RIF1: variants seen among roughly 807,000 people sequenced by gnomAD.
RIF1 encodes telomere-associated protein RIF1.
RIF1 carries 45 observed loss-of-function variants against 247.1 expected under a neutral mutation model. The ratio of observed to expected loss-of-function variants is 0.18; its 90% confidence interval spans 0.14 to 0.23. The LOEUF is 0.23. RIF1 is among the 10% of genes least tolerant of loss of function. The probability of loss-of-function intolerance (pLI) is 1.00; values close to 1 mark genes in which losing one functional copy is unlikely to be tolerated. For synonymous variants in RIF1, 1,087 were observed against 978.8 expected (o/e 1.11, Z -2.06); for missense variants, 2,967 against 2,862.5 (o/e 1.04, Z -0.83).
the RIF1 span, among the ~76,000 whole-genome samples, chr2:151,523,861 C>T: frequency 6.6e-6 from 1 of 151,748 alleles, no homozygotes; most frequent in Non-Finnish European, 1.5e-5. Context: ...CTTCCTAGCC[C>T]GGGCAGTTAA....
rs1471076164 is a variant in RIF1, at chr2:151,442,426, A to G, written c.1734+435A>G. On this transcript the variant is annotated intron_variant, in intron 16 of 35. Transcript: ENST00000444746. Reference sequence around the variant, plus strand: ...AAAAAGAAAGATGACCTTATGTAAAATTCTGAGAGTATTGGATTTGAAGTA... The same window carrying G: ...AAAAAGAAAGATGACCTTATGTAAAGTTCTGAGAGTATTGGATTTGAAGTA... Among the ~76,000 whole-genome samples, 7 of 150,740 alleles carry G rather than the reference A, an allele frequency of 4.6e-5. No individual in the cohort carries two copies. In the Admixed American group the frequency reaches 4.7e-4, roughly 10 times the overall value.
At chr2:151,509,840 C>T (rs904984420), downstream of RIF1, among the ~76,000 whole-genome samples, 2 of 152,154 alleles carry the variant, frequency 1.3e-5, no homozygotes, top group African/African-American at 4.8e-5. Context: ...AATCTCCTGA[C>T]CTCATGATCC....
chr2:151,424,038 C>A (rs1346520670), intron 8 of RIF1, among the ~76,000 whole-genome samples: 1 of 152,144 alleles, frequency 6.6e-6, no homozygotes, highest in African/African-American at 2.4e-5. Flanking sequence ...ATTCTAGGTA[C>A]CTCATAAAAG....
intron 14 of RIF1, among the ~76,000 whole-genome samples, chr2:151,439,055 G>T (rs1273752872): frequency 6.6e-6 from 1 of 152,166 alleles, no homozygotes; most frequent in African/African-American, 2.4e-5. Context: ...ATATTTATAC[G>T]TTATGTGCAT....
the RIF1 span, among the ~76,000 whole-genome samples, chr2:151,521,615 C>G: frequency 6.6e-6 from 1 of 152,108 alleles, no homozygotes; most frequent in Non-Finnish European, 1.5e-5. Context: ...ATAAAATCTG[C>G]TTTTTTTAGA....
At chr2:151,453,266 T>C (rs981551930) in intron 21 of RIF1, among the ~76,000 whole-genome samples, 5 of 152,110 alleles carry the variant, frequency 3.3e-5, no homozygotes, top group East Asian at 1.9e-4. Flanking sequence ...CTCAGTCTTG[T>C]CTTTTATGTC....
At chr2:151,458,223 A>T (rs1172325092) in intron 24 of RIF1, among the ~76,000 whole-genome samples, 1 of 132,544 alleles carries the variant, frequency 7.5e-6, no homozygotes, top group Non-Finnish European at 1.6e-5. Flanking sequence ...CAGGAAATAG[A>T]TGATTTTTTT....
chr2:151,484,371 G>A (rs960278323), downstream of RIF1, among the ~76,000 whole-genome samples: 2 of 152,202 alleles, frequency 1.3e-5, no homozygotes, highest in African/African-American at 4.8e-5. Context: ...TGAGGTGGTC[G>A]GATCACCTGA....
chr2:151,488,884 C>A (rs1042409734), intron 9 of RIF1, among the ~76,000 whole-genome samples: 1 of 151,958 alleles, frequency 6.6e-6, no homozygotes, highest in Non-Finnish European at 1.5e-5. Context: ...GTATCTATTG[C>A]CATGCTAAAT....
At chr2:151,422,901 T>C in intron 7 of RIF1, 49 bp from the exon 8 acceptor site, 1 of 965,062 alleles carries the variant, frequency 1.0e-6, no homozygotes, top group Non-Finnish European at 1.6e-6. Flanking sequence ...TGGTATTGGA[T>C]TTTTTTTTCT....
At chr2:151,458,231 T>G (rs1695537629) in intron 24 of RIF1, among the ~76,000 whole-genome samples, 1 of 142,956 alleles carries the variant, frequency 7.0e-6, no homozygotes, top group African/African-American at 2.6e-5. Context: ...AGATGATTTT[T>G]TTTTTTTTTT....
chr2:151,526,102 C>G, the RIF1 span: 1 of 1,611,776 alleles, frequency 6.2e-7, no homozygotes, highest in Non-Finnish European at 8.5e-7. Context: ...ATTAAGGCAT[C>G]TGCCTGGGGC....
At position 151,505,686 on chromosome 2, in the gene RIF1, C is replaced by T. The variant is rs555706086; in HGVS notation, c.*862-524C>T. 8.2e-5 allele frequency: 68 copies of T among 834,082 alleles called. 1 individual carries two copies. The highest frequency in any genetic ancestry group is 6.5e-4 in the Middle Eastern group (2 of 3,064). The allele number at this position is 834,082 out of a possible 1,614,324, so 51.7% of individuals were successfully genotyped here. A position where few individuals can be genotyped will look rare whatever the true frequency, so the allele number is the denominator to read the frequency against. The stretch of plus-strand genomic sequence containing the variant: ...TTAAAAAAATTAACAGTGTAAATAA[C>T]GCAGGCTTTATACTTAGTGTGAATG... On this transcript the variant is annotated intron_variant and NMD_transcript_variant, in intron 12 of 13. Coordinates refer to the RIF1 transcript ENST00000454583.
At position 151,431,779 on chromosome 2, in the gene RIF1, C is replaced by CTGAATGAATGAATGAATGAA. The variant is rs10681364; in HGVS notation, c.926-1281_926-1262dup. ...GGCAACAAGAGTGAAACTTCCGTCT[C>CTGAATGAATGAATGAATGAA]TGAATGAATGAATGAATGAATGAAT... On this transcript the variant is annotated intron_variant, in intron 9 of 35. Coordinates refer to ENST00000444746, the MANE Select transcript of RIF1 (RefSeq NM_018151.5). Among the ~76,000 whole-genome samples, 144 of 149,658 alleles carry CTGAATGAATGAATGAATGAA rather than the reference C, an allele frequency of 9.6e-4. 1 individual carries two copies. Among genetic ancestry groups the CTGAATGAATGAATGAATGAA allele is most frequent in the East Asian group, 1.4e-3 (7 of 4,966 alleles).
At chr2:151,531,403 A>G in the RIF1 span, among the ~76,000 whole-genome samples, 43 of 136,428 alleles carry the variant, frequency 3.2e-4, no homozygotes, top group East Asian at 6.4e-3. Flanking sequence ...TGCAACCTCC[A>G]TCTCCTGGGC....
intron 34 of RIF1, among the ~76,000 whole-genome samples, chr2:151,472,251 T>C (rs1215183297): frequency 1.3e-5 from 2 of 152,290 alleles, no homozygotes; most frequent in South Asian, 2.1e-4. Context: ...AGTTGCTTAT[T>C]GGCCCAAGGA....
chr2:151,461,120 A>G lies in RIF1; in HGVS notation c.3076-18A>G, dbSNP rs199645697. On this transcript the variant is annotated intron_variant, in intron 26 of 35. Transcript: ENST00000444746. ...TGGAAGCTAAAATGTACATTTGCTT[A>G]TTTTTTCAAATCTGCAGCTGAAACT... 129 of 1,598,602 alleles carry G rather than the reference A, an allele frequency of 8.1e-5. 1 individual carries two copies. The African/African-American group carries it at 1.4e-3, about 18-fold the overall frequency.
the RIF1 span, chr2:151,529,429 G>A: frequency 2.4e-5 from 17 of 712,392 alleles, no homozygotes; most frequent in East Asian, 8.1e-5. Flanking sequence ...TCCTTAAGAC[G>A]GAATTTTAAA....
chr2:151,496,836 T>G, intron 10 of RIF1: 1 of 1,304,268 alleles, frequency 7.7e-7, no homozygotes, highest in South Asian at 1.4e-5. Context: ...AAGAAAGAAG[T>G]TCACAAAATT....
Sources: gnomAD v4.1 joint callset for allele counts (sites outside exome capture counted in the v4.1 genomes callset) on GRCh38, gnomAD v4.1.1 for gene constraint, MANE v1.5 for transcripts, NCBI Gene and HGNC (gene_info 2026-07-23, HGNC 2026-07-21) for gene names.